The following CACNA1E variants were observed in gnomAD, a reference collection of about 807,000 sequenced individuals.
CACNA1E encodes the protein calcium voltage-gated channel subunit alpha1 E.
Under a neutral mutation model 259.2 loss-of-function variants are expected in CACNA1E, and 40 were observed. That is an observed-to-expected ratio of 0.15 (90% CI 0.12 to 0.20). The LOEUF (loss-of-function observed/expected upper bound fraction) is 0.20. Ranked by LOEUF, CACNA1E falls within the 10% of genes least tolerant of loss-of-function variation. The probability of loss-of-function intolerance (pLI) is 1.00; values close to 1 mark genes in which losing one functional copy is unlikely to be tolerated. For missense variants in CACNA1E, 1,874 were observed against 3,040.1 expected, an observed-to-expected ratio of 0.62 and a Z score of 9.02; for synonymous variants, 1,104 against 1,138.5, an observed-to-expected ratio of 0.97 and a Z score of 0.61.
At chr1:181,374,472 A>ATT (rs928257545) in intron 1 of CACNA1E, among the ~76,000 whole-genome samples, 6 of 151,028 alleles carry the variant, frequency 4.0e-5, no homozygotes, top group Non-Finnish European at 7.4e-5. Context: ...GAAAAAAAAA[A>ATT]TTTTTTTTGA....
At chr1:181,626,261 C>T (rs76914117) in intron 6 of CACNA1E, among the ~76,000 whole-genome samples, 8,610 of 152,158 alleles carry the variant, frequency 0.057, 509 homozygotes, top group African/African-American at 0.15. Flanking sequence ...CATCCATAGT[C>T]TTATTAGACT....
At chr1:181,679,823 G>A (rs1649753953) in intron 7 of CACNA1E, among the ~76,000 whole-genome samples, 1 of 152,154 alleles carries the variant, frequency 6.6e-6, no homozygotes, top group African/African-American at 2.4e-5. Flanking sequence ...GGGCATCAAA[G>A]TCCGGGTGAG....
chr1:181,565,960 A>G (rs1351477207), intron 3 of CACNA1E, among the ~76,000 whole-genome samples: 1 of 152,068 alleles, frequency 6.6e-6, no homozygotes, highest in South Asian at 2.1e-4. Context: ...AAACAACTCA[A>G]AGAACATGTA....
chr1:181,470,142 C>T (rs1050744718), intron 2 of CACNA1E, among the ~76,000 whole-genome samples: 1 of 151,714 alleles, frequency 6.6e-6, no homozygotes, highest in Non-Finnish European at 1.5e-5. Context: ...CACAAGTGAG[C>T]GTGAGCGAGC....
At chr1:181,329,574 C>T (rs1379330540) in intron 1 of CACNA1E, among the ~76,000 whole-genome samples, 1 of 152,170 alleles carries the variant, frequency 6.6e-6, no homozygotes, top group Non-Finnish European at 1.5e-5. Flanking sequence ...GTTCCCTCTC[C>T]CCATAATCTC....
intron 1 of CACNA1E, among the ~76,000 whole-genome samples, chr1:181,319,029 T>C (rs1049575995): frequency 6.6e-6 from 1 of 152,214 alleles, no homozygotes; most frequent in Non-Finnish European, 1.5e-5. Flanking sequence ...GACGTCTCCC[T>C]TGAGATCGCG....
chr1:181,527,063 T>C (rs547006247), intron 3 of CACNA1E, among the ~76,000 whole-genome samples: 1 of 152,384 alleles, frequency 6.6e-6, no homozygotes, highest in Admixed American at 6.5e-5. Flanking sequence ...TGGATTATGC[T>C]AGCTTCTAGA....
intron 23 of CACNA1E, 51 bp from the exon 24 acceptor site, chr1:181,738,316 T>C: frequency 1.4e-6 from 2 of 1,478,428 alleles, no homozygotes; most frequent in Non-Finnish European, 1.9e-6. Context: ...GCTCATGTAG[T>C]AGCCTGTTGG....
At chr1:181,524,188 A>G (rs1302366720) in intron 3 of CACNA1E, among the ~76,000 whole-genome samples, 6 of 152,250 alleles carry the variant, frequency 3.9e-5, no homozygotes, top group Non-Finnish European at 8.8e-5. Context: ...TCCCTCAACC[A>G]GACTATGAAA....
intron 1 of CACNA1E, among the ~76,000 whole-genome samples, chr1:181,372,016 C>T (rs565391559): frequency 4.6e-5 from 7 of 152,214 alleles, no homozygotes; most frequent in Middle Eastern, 3.4e-3. Flanking sequence ...AGTTGGGTAA[C>T]GTGATACCTC....
intron 2 of CACNA1E, among the ~76,000 whole-genome samples, chr1:181,462,951 A>G (rs537515001): frequency 1.2e-4 from 15 of 120,468 alleles, no homozygotes; most frequent in Non-Finnish European, 2.0e-4. Context: ...TACAGATAAA[A>G]TGATCATCTT....
chr1:181,613,617 CT>C (rs1043101948), intron 6 of CACNA1E, among the ~76,000 whole-genome samples: 4 of 152,158 alleles, frequency 2.6e-5, no homozygotes, highest in Non-Finnish European at 5.9e-5. Flanking sequence ...TATCTTTTCC[CT>C]TCAAGGCTTG....
At chr1:181,556,800 A>G (rs138991713) in intron 3 of CACNA1E, among the ~76,000 whole-genome samples, 1 of 152,320 alleles carries the variant, frequency 6.6e-6, no homozygotes, top group African/African-American at 2.4e-5. Context: ...AACAGAGTGA[A>G]GATCAAAGTG....
At position 181,802,875 on chromosome 1, in the gene CACNA1E, G is replaced by A. The variant is rs1382352575; in HGVS notation, c.*4041G>A. 1 of 152,138 alleles carries A rather than the reference G, an allele frequency of 6.6e-6. No homozygotes were observed. Among genetic ancestry groups the A allele is most frequent in the African/African-American group, 2.4e-5 (1 of 41,418 alleles). The allele number at this position is 152,138 out of a possible 1,614,324, so 9.4% of individuals were successfully genotyped here. A position where few individuals can be genotyped will look rare whatever the true frequency, so the allele number is the denominator to read the frequency against. On this transcript the variant is annotated 3_prime_UTR_variant, in exon 48 of 48. Transcript: ENST00000367573. Reference sequence around the variant, plus strand: ...TGGACAAAGTGTTTCTTTAGTGGTTGGGGCCAGGGACAGGTTGAGGGATAT... The same window carrying A: ...TGGACAAAGTGTTTCTTTAGTGGTTAGGGCCAGGGACAGGTTGAGGGATAT...
rs529188561 is a variant in CACNA1E at position 181,354,732 on chromosome 1, G to A, written c.-15+36609G>A. On this transcript the variant is annotated intron_variant, in intron 1 of 11. Coordinates refer to the CACNA1E transcript ENST00000524607. Reference sequence around the variant, plus strand: ...AAGGGCAGTAGAGCCTTGGTTCCGGGAAGGTTTTAGGGAGGAGAGGGTTTG... The same window carrying A: ...AAGGGCAGTAGAGCCTTGGTTCCGGAAAGGTTTTAGGGAGGAGAGGGTTTG... Among the ~76,000 whole-genome samples, 4 of 152,284 alleles carry A rather than the reference G, an allele frequency of 2.6e-5. No individual in the cohort carries two copies. The South Asian group carries it at 8.3e-4, about 32-fold the overall frequency.
chr1:181,695,862 T>C lies in CACNA1E; in HGVS notation c.1056-15092T>C, dbSNP rs142722853. 2.1e-3 allele frequency among the ~76,000 whole-genome samples: 323 copies of C among 152,258 alleles called. 8 individuals are homozygous for C. The East Asian group carries it at 0.055, about 26-fold the overall frequency. On this transcript the variant is annotated intron_variant, in intron 7 of 47. Coordinates refer to ENST00000367573, the MANE Select transcript of CACNA1E (RefSeq NM_001205293.3). ...CCCAGCTACTCGGGAGGCTGAGACA[T>C]GACAATTGCTTGAATCCAGGAGGCG...
chr1:181,325,645 A>ATTTC (rs1208877350), intron 1 of CACNA1E, among the ~76,000 whole-genome samples: 1 of 150,520 alleles, frequency 6.6e-6, no homozygotes, highest in South Asian at 2.1e-4. Context: ...TTTTATTTTT[A>ATTTC]TTTATTTATT....
chr1:181,774,192 G>A (rs541841272), intron 37 of CACNA1E, among the ~76,000 whole-genome samples: 2 of 152,364 alleles, frequency 1.3e-5, no homozygotes, highest in East Asian at 3.9e-4. Context: ...CACTCTTAAT[G>A]ACTGTTCAAA....
chr1:181,743,843 T>C (rs567133345), intron 25 of CACNA1E, among the ~76,000 whole-genome samples: 3 of 152,374 alleles, frequency 2.0e-5, no homozygotes, highest in East Asian at 1.9e-4. Flanking sequence ...TAATTGATCG[T>C]CAGCACAGAT....
Sources: allele counts gnomAD v4.1 joint callset (sites outside exome capture counted in the v4.1 genomes callset), GRCh38; gene constraint gnomAD v4.1.1; transcripts MANE v1.5; gene names NCBI Gene and HGNC (gene_info 2026-07-23, HGNC 2026-07-21).